Variants in ST18 observed in about 807,000 individuals in gnomAD.
The protein encoded by ST18 is suppression of tumorigenicity 18 protein.
A neutral mutation model predicts 110.0 loss-of-function variants in ST18; 50 were observed. The observed-to-expected ratio is 0.45, with a 90% CI of 0.36 to 0.58. The LOEUF (loss-of-function observed/expected upper bound fraction) is 0.58, where lower values mean the gene tolerates loss of function less well. Ranked by LOEUF, ST18 falls within the 20% of genes least tolerant of loss-of-function variation. The probability of loss-of-function intolerance (pLI) is 0.00; values close to 1 mark genes in which losing one functional copy is unlikely to be tolerated. For missense variants in ST18, 1,306 were observed against 1,280.1 expected (o/e 1.02, Z -0.31); for synonymous variants, 461 against 452.4 (o/e 1.02, Z -0.24).
intron 2 of ST18, among the ~76,000 whole-genome samples, chr8:52,312,057 A>G (rs181319693): frequency 1.3e-5 from 2 of 152,314 alleles, no homozygotes; most frequent in East Asian, 3.9e-4. Context: ...AGACCTCACG[A>G]GATATGTTAT....
intron 3 of ST18, among the ~76,000 whole-genome samples, chr8:52,228,285 T>G (rs1397933650): frequency 6.6e-6 from 1 of 152,178 alleles, no homozygotes; most frequent in East Asian, 1.9e-4. Context: ...AAAAGTCAAA[T>G]GTAAAATAGA....
intron 12 of ST18, 100 bp downstream of exon 12, chr8:52,165,035 C>A (rs534753094): frequency 9.0e-7 from 1 of 1,111,000 alleles, no homozygotes; most frequent in Non-Finnish European, 1.4e-6. Flanking sequence ...GACAGTGATG[C>A]AGCAATTTTC....
chr8:52,199,461 T>TA (rs2077232714), intron 8 of ST18: 1 of 152,222 alleles, frequency 6.6e-6, no homozygotes, highest in Admixed American at 6.5e-5. Context: ...ATCGTGGGGT[T>TA]AAAAACCTGT....
chr8:52,210,001 TA>T, intron 8 of ST18: 5 of 453,080 alleles, frequency 1.1e-5, no homozygotes, highest in South Asian at 7.8e-5. Flanking sequence ...TTCTCTTGAG[TA>T]AAAGTTGTTT....
Position 52,111,989 on chromosome 8 carries a change from TGTGTGTGTGA to T in ST18, c.*1199_*1208del, listed in dbSNP as rs1286788930. On this transcript the variant is annotated 3_prime_UTR_variant, in exon 26 of 26. Coordinates refer to ENST00000689386, the MANE Select transcript of ST18 (RefSeq NM_001352837.2). Reference sequence around the variant, plus strand: ...GTGTGTGTCTGTGTGTGAGTATGCCTGTGTGTGTGAGTGTGTGTGTATATTTTGTAGCATT... The same window carrying T: ...GTGTGTGTCTGTGTGTGAGTATGCCTGTGTGTGTGTATATTTTGTAGCATT... 6.6e-6 allele frequency: 1 copy of T among 152,308 alleles called. No homozygotes were observed. Among genetic ancestry groups the T allele is most frequent in the African/African-American group, 2.4e-5 (1 of 41,352 alleles). 9.4% of individuals were successfully genotyped at this position (152,308 alleles called of 1,614,324 possible). A position where few individuals can be genotyped will look rare whatever the true frequency, so the allele number is the denominator to read the frequency against.
intron 13 of ST18, among the ~76,000 whole-genome samples, chr8:52,162,930 A>G (rs889360869): frequency 2.0e-5 from 3 of 152,220 alleles, no homozygotes; most frequent in Admixed American, 2.0e-4. Context: ...ATATAAAAAT[A>G]TCTGAGCAAC....
intron 8 of ST18, among the ~76,000 whole-genome samples, chr8:52,181,787 C>T (rs9643467): frequency 0.22 from 33,773 of 151,986 alleles, 7,053 homozygotes; most frequent in African/African-American, 0.55. Flanking sequence ...AATACAAGTC[C>T]ACACCGTAGA....
At chr8:52,374,217 T>C (rs1207791194) in intron 2 of ST18, among the ~76,000 whole-genome samples, 1 of 152,056 alleles carries the variant, frequency 6.6e-6, no homozygotes, top group Non-Finnish European at 1.5e-5. Flanking sequence ...CCTACTACAT[T>C]AGGGTGTCCT....
chr8:52,287,429 C>A (rs554440597), intron 2 of ST18, among the ~76,000 whole-genome samples: 81 of 152,188 alleles, frequency 5.3e-4, no homozygotes, highest in Non-Finnish European at 1.0e-3. Flanking sequence ...GGTAGGGAAG[C>A]CTCCAAGTCT....
intron 2 of ST18, among the ~76,000 whole-genome samples, chr8:52,291,920 C>T (rs986606715): frequency 4.6e-5 from 7 of 152,214 alleles, no homozygotes; most frequent in East Asian, 1.9e-4. Flanking sequence ...GGACCACAGG[C>T]GCGTGCCATC....
At position 52,253,978 on chromosome 8, in the gene ST18, T is replaced by TGAGAGAGA. The variant is rs10547061; in HGVS notation, c.-464-23909_-464-23902dup. ...CAAAGAGAGTGAAAGTGTGAGAGAT[T>TGAGAGAGA]GAGAGAGAGAGAGAGAGAGAGAGAG... On this transcript the variant is annotated intron_variant, in intron 2 of 25. Coordinates refer to ENST00000689386, the MANE Select transcript of ST18 (RefSeq NM_001352837.2). Among the ~76,000 whole-genome samples the TGAGAGAGA allele has an allele frequency of 1.9e-3, 288 of 149,730 alleles. 3 individuals are homozygous for TGAGAGAGA. The highest frequency in any genetic ancestry group is 6.7e-3 in the African/African-American group (274 of 40,904).
At chr8:52,196,112 T>C (rs796592121) in intron 8 of ST18, among the ~76,000 whole-genome samples, 70 of 152,278 alleles carry the variant, frequency 4.6e-4, no homozygotes, top group African/African-American at 1.7e-3. Context: ...CAAAAATGAC[T>C]TGGGTGCTGC....
intron 11 of ST18, 131 bp downstream of exon 11, chr8:52,166,721 G>C (rs1298968218): frequency 8.1e-7 from 1 of 1,235,888 alleles, no homozygotes; most frequent in Non-Finnish European, 1.1e-6. Flanking sequence ...CCCACAGCTA[G>C]ATGGAATTGG....
chr8:52,170,985 G>T (rs982282448), intron 10 of ST18, among the ~76,000 whole-genome samples: 4 of 152,046 alleles, frequency 2.6e-5, no homozygotes, highest in African/African-American at 7.2e-5. Context: ...CCCTAATTTT[G>T]TGGCTCTCGG....
chr8:52,231,978 T>C (rs1466157252), intron 2 of ST18, among the ~76,000 whole-genome samples: 1 of 152,216 alleles, frequency 6.6e-6, no homozygotes, highest in East Asian at 1.9e-4. Flanking sequence ...GACCCGAGAA[T>C]GTGCATTTCT....
chr8:52,119,057 A>G (rs2043635461), intron 23 of ST18, among the ~76,000 whole-genome samples: 1 of 152,180 alleles, frequency 6.6e-6, no homozygotes, highest in Non-Finnish European at 1.5e-5. Flanking sequence ...GTGGACATGG[A>G]TGAGGAAAAT....
At chr8:52,236,658 C>A (rs1181891220) in intron 2 of ST18, among the ~76,000 whole-genome samples, 2 of 151,218 alleles carry the variant, frequency 1.3e-5, no homozygotes, top group Non-Finnish European at 2.9e-5. Context: ...ATTCCTTCTG[C>A]TGTGTAGCTC....
chr8:52,202,181 G>C (rs997821035), intron 8 of ST18, among the ~76,000 whole-genome samples: 4 of 152,164 alleles, frequency 2.6e-5, no homozygotes, highest in Non-Finnish European at 4.4e-5. Context: ...AACTTGGAAG[G>C]AAAGAAGTCA....
chr8:52,183,463 T>C (rs2070726947), intron 8 of ST18, among the ~76,000 whole-genome samples: 1 of 152,214 alleles, frequency 6.6e-6, no homozygotes, highest in Non-Finnish European at 1.5e-5. Context: ...TATGTAAGGT[T>C]TTTATCAGAA....
Sources: allele counts gnomAD v4.1 joint callset (sites outside exome capture counted in the v4.1 genomes callset), GRCh38; gene constraint gnomAD v4.1.1; transcripts MANE v1.5; gene names NCBI Gene and HGNC (gene_info 2026-07-23, HGNC 2026-07-21).